EIF2A: variants seen among roughly 807,000 people sequenced by gnomAD.
EIF2A encodes the protein 65 kDa eukaryotic translation initiation factor 2A.
A neutral mutation model predicts 75.2 loss-of-function variants in EIF2A; 62 were observed. The ratio of observed to expected loss-of-function variants is 0.82; its 90% CI spans 0.67 to 1.02. The LOEUF (loss-of-function observed/expected upper bound fraction) is 1.02, where lower values mean the gene tolerates loss of function less well. Ranked by LOEUF, EIF2A falls within the 50% of genes least tolerant of loss-of-function variation. EIF2A has a pLI of 0.00. For synonymous variants in EIF2A, 207 were observed against 239.0 expected, an observed-to-expected ratio of 0.87 and a Z score of 1.23; for missense variants, 611 against 677.7, an observed-to-expected ratio of 0.90 and a Z score of 1.09.
At chr3:150,570,260 A>G (rs1369309943) in intron 9 of EIF2A, among the ~76,000 whole-genome samples, 2 of 152,224 alleles carry the variant, frequency 1.3e-5, no homozygotes, top group Non-Finnish European at 2.9e-5. Flanking sequence ...CCATAAATTA[A>G]GCAAAATGAA....
At chr3:150,573,524 T>G (rs1238606726) in intron 10 of EIF2A, among the ~76,000 whole-genome samples, 1 of 152,234 alleles carries the variant, frequency 6.6e-6, no homozygotes, top group Non-Finnish European at 1.5e-5. Context: ...AGTGCTGGAA[T>G]TACAGGCATG....
intron 6 of EIF2A, chr3:150,566,683 T>C (rs1159716515): frequency 6.6e-6 from 1 of 152,206 alleles, no homozygotes; most frequent in Non-Finnish European, 1.5e-5. Context: ...GGATGATAAT[T>C]TGAGAATATC....
At chr3:150,555,790 C>T (rs565471871) in intron 2 of EIF2A, among the ~76,000 whole-genome samples, 11 of 152,040 alleles carry the variant, frequency 7.2e-5, no homozygotes, top group South Asian at 2.1e-4. Flanking sequence ...TTAGGGTATG[C>T]AGTCCCAAGG....
rs796338454 is a variant in EIF2A at position 150,582,150 on chromosome 3, G to A, written c.1626+404G>A. ...CGAGTAGCTGGGACTACAGGTGTGC[G>A]CCACCACGCCTGGCTAATTTTTATA... is the stretch of plus-strand genomic sequence containing the variant. On this transcript the variant is annotated intron_variant, in intron 12 of 13. Transcript: ENST00000460851. Among the ~76,000 whole-genome samples the A allele has an allele frequency of 7.9e-5, 12 of 151,222 alleles. No individual in the cohort carries two copies. The South Asian group carries it at 8.4e-4, about 11-fold the overall frequency.
chr3:150,580,719 A>G (rs1431833135), intron 11 of EIF2A, among the ~76,000 whole-genome samples: 1 of 152,120 alleles, frequency 6.6e-6, no homozygotes, highest in African/African-American at 2.4e-5. Flanking sequence ...TGCCAGCATC[A>G]CTACTCTGCA....
chr3:150,576,108 T>A, intron 11 of EIF2A, among the ~76,000 whole-genome samples: 1 of 151,922 alleles, frequency 6.6e-6, no homozygotes, highest in East Asian at 1.9e-4. Context: ...GGCAGTTAAG[T>A]TAGCTTTAAG....
At chr3:150,583,317 T>C in intron 13 of EIF2A, 52 bp downstream of exon 13, 1 of 1,537,356 alleles carries the variant, frequency 6.5e-7, no homozygotes, top group Non-Finnish European at 8.9e-7. Context: ...GCCTTCCCCC[T>C]TTTATTATAA....
intron 9 of EIF2A, among the ~76,000 whole-genome samples, chr3:150,570,142 TAA>T (rs1724424700): frequency 6.6e-6 from 1 of 152,042 alleles, no homozygotes. Flanking sequence ...TTTCTAATCT[TAA>T]GAGTAGAAAA....
intron 1 of EIF2A, 109 bp downstream of exon 1, chr3:150,546,939 T>G: frequency 1.3e-6 from 2 of 1,503,818 alleles, no homozygotes; most frequent in South Asian, 2.3e-5. Flanking sequence ...TGCCTTTTCT[T>G]GTGGCTTGCG....
chr3:150,562,415 A>G lies in EIF2A; in HGVS notation c.174-127A>G, dbSNP rs1463119557. 1.8e-5 allele frequency: 11 copies of G among 628,022 alleles called. No individual in the cohort carries two copies. The East Asian group carries it at 3.3e-4, about 19-fold the overall frequency. The allele number at this position is 628,022 out of a possible 1,614,324, so 38.9% of individuals were successfully genotyped here. A position where few individuals can be genotyped will look rare whatever the true frequency, so the allele number is the denominator to read the frequency against. ...CCAACCTGGGAGACAGCGAGACTCC[A>G]TCTCAAAAAAAAAAAAAGTCAACAT... On this transcript the variant is annotated intron_variant, in intron 3 of 13. Transcript: ENST00000460851.
chr3:150,564,094 C>T (rs966752424), intron 5 of EIF2A, among the ~76,000 whole-genome samples: 1 of 152,154 alleles, frequency 6.6e-6, no homozygotes, highest in Non-Finnish European at 1.5e-5. Context: ...GCTGGGATTG[C>T]AGGTGTGAGC....
rs138050779 is a variant in EIF2A, at chr3:150,571,855, T to C, written c.812-103T>C. 8.4e-4 allele frequency: 855 copies of C among 1,023,156 alleles called. 2 individuals are homozygous for C. In the African/African-American group the frequency reaches 0.013, roughly 15 times the overall value. 63.4% of individuals were successfully genotyped at this position (1,023,156 alleles called of 1,614,324 possible). On this transcript the variant is annotated intron_variant, in intron 9 of 13. Coordinates refer to ENST00000460851, the MANE Select transcript of EIF2A (RefSeq NM_032025.5). ...ATGTTAACATTCCTTGAAATTTTTT[T>C]ATCTGTTTGATGTGTTTGTGAGTAC...
At chr3:150,562,797 G>A (rs1046686884) in intron 4 of EIF2A, 137 bp downstream of exon 4, 6 of 611,802 alleles carry the variant, frequency 9.8e-6, no homozygotes, top group Non-Finnish European at 1.4e-5. Context: ...GAATATTTAT[G>A]ATCTACAGTG....
rs1056816146 is a variant in EIF2A, at chr3:150,579,114, T to C, written c.1498-2504T>C. Among the ~76,000 whole-genome samples, 5 of 152,308 alleles carry C rather than the reference T, an allele frequency of 3.3e-5. No individual in the cohort carries two copies. In the South Asian group the frequency reaches 8.3e-4, roughly 25 times the overall value. ...TTTTTCACATGATAAGATTAACCTT[T>C]CTTCCTAGAGAGCTATATTCTTAGC... is the stretch of plus-strand genomic sequence containing the variant. On this transcript the variant is annotated intron_variant, in intron 11 of 13. Transcript: ENST00000460851.
chr3:150,567,600 G>A (rs1298471175), intron 6 of EIF2A, 93 bp from the exon 7 acceptor site: 1 of 862,528 alleles, frequency 1.2e-6, no homozygotes, highest in Non-Finnish European at 1.8e-6. Context: ...GTATTGGTGT[G>A]TAGTTATAGT....
chr3:150,574,370 G>A (rs181174870), intron 10 of EIF2A, among the ~76,000 whole-genome samples: 1 of 152,208 alleles, frequency 6.6e-6, no homozygotes, highest in Non-Finnish European at 1.5e-5. Flanking sequence ...GCGTGGAAGA[G>A]ACTTGTAACT....
rs1725415477 is a variant in EIF2A at position 150,585,406 on chromosome 3, C to G, written c.*1495C>G. 6.6e-6 allele frequency: 1 copy of G among 152,208 alleles called. No homozygotes were observed. The highest frequency in any genetic ancestry group is 2.4e-5 in the African/African-American group (1 of 41,438). 9.4% of individuals were successfully genotyped at this position (152,208 alleles called of 1,614,324 possible). On this transcript the variant is annotated 3_prime_UTR_variant, in exon 14 of 14. Coordinates refer to ENST00000460851, the MANE Select transcript of EIF2A (RefSeq NM_032025.5). ...TGGTAGCACATACCTGTAATCCCAG[C>G]TACTTGGGAGGCTGAGGTAGGAAAA...
chr3:150,562,144 T>C (rs1485403675), intron 3 of EIF2A, among the ~76,000 whole-genome samples: 3 of 151,782 alleles, frequency 2.0e-5, no homozygotes, highest in Middle Eastern at 3.4e-3. Flanking sequence ...CATTTTGGGC[T>C]GGGCATGGTG....
chr3:150,564,340 A>C lies in EIF2A; in HGVS notation c.434A>C (p.Asn145Thr). The change falls in exon 6 of 14, where the codon AAT becomes ACT. Residue 145 changes from asparagine (N) to threonine (T), a missense_variant. Transcript: ENST00000460851. ...WSEDETLCAR[N>T]VNNEVHFFEN... ...GAAGATGAAACTCTTTGTGCCCGCA[A>C]TGTTAACAATGAAGTTCACTTCTTT... 4 of 1,603,280 alleles carry C rather than the reference A, an allele frequency of 2.5e-6. No individual in the cohort carries two copies. The highest frequency in any genetic ancestry group is 3.4e-6 in the Non-Finnish European group (4 of 1,176,078).
Sources: allele counts gnomAD v4.1 joint callset (sites outside exome capture counted in the v4.1 genomes callset), GRCh38; gene constraint gnomAD v4.1.1; transcripts MANE v1.5; gene names NCBI Gene and HGNC (gene_info 2026-07-23, HGNC 2026-07-21).